Variants in CIMAP1D observed in about 807,000 individuals in gnomAD.
CIMAP1D encodes CIMAP1 family member D.
the CIMAP1D span, chr19:490,246 C>G: frequency 3.4e-6 from 1 of 297,746 alleles, no homozygotes; most frequent in Non-Finnish European, 6.1e-6. Flanking sequence ...GTCCCACCTA[C>G]TTGGAAGGCC....
chr19:474,758 C>A, the CIMAP1D span: 1 of 1,502,840 alleles, frequency 6.7e-7, no homozygotes, highest in Non-Finnish European at 8.9e-7. Flanking sequence ...GGTGGGCAGG[C>A]GATGGCCCCC....
chr19:475,776 ATTT>A, the CIMAP1D span, among the ~76,000 whole-genome samples: 5 of 138,642 alleles, frequency 3.6e-5, no homozygotes, highest in Non-Finnish European at 3.2e-5. Context: ...TTGCAGTGTA[ATTT>A]TTTTTTTTTT....
At chr19:469,418 G>A in the CIMAP1D span, among the ~76,000 whole-genome samples, 87,084 of 151,950 alleles carry the variant, frequency 0.57, 28,234 homozygotes, top group Non-Finnish European at 0.73. Context: ...GGCTGGGTGC[G>A]GTGGCTCACG....
At chr19:467,515 C>G in the CIMAP1D span, 6 of 721,950 alleles carry the variant, frequency 8.3e-6, no homozygotes, top group Non-Finnish European at 1.2e-5. Context: ...CTCCGTGTCC[C>G]TTGGATTTGA....
the CIMAP1D span, chr19:467,846 C>A: frequency 2.4e-6 from 2 of 829,170 alleles, no homozygotes; most frequent in Non-Finnish European, 1.9e-6. Flanking sequence ...CCTCTTGGCC[C>A]CGAGACACTC....
At chr19:467,366 A>G in the CIMAP1D span, among the ~76,000 whole-genome samples, 1 of 151,934 alleles carries the variant, frequency 6.6e-6, no homozygotes, top group African/African-American at 2.4e-5. Flanking sequence ...GATTTGCCAC[A>G]GTCCCCATTC....
the CIMAP1D span, among the ~76,000 whole-genome samples, chr19:477,789 G>A: frequency 0.011 from 1,642 of 152,222 alleles, 28 homozygotes; most frequent in African/African-American, 0.037. Flanking sequence ...CAGCCTCCCG[G>A]GTAGCTGGGA....
At chr19:467,715 T>TG in the CIMAP1D span, 1 of 1,611,402 alleles carries the variant, frequency 6.2e-7, no homozygotes, top group African/African-American at 1.3e-5. Flanking sequence ...CGTGTGACTT[T>TG]GGGGTCCAAG....
At chr19:463,715 G>T in the CIMAP1D span, 2 of 1,345,584 alleles carry the variant, frequency 1.5e-6, no homozygotes. Context: ...AGAAGGACCT[G>T]GACAGTTCAG....
At chr19:486,653 G>C in the CIMAP1D span, among the ~76,000 whole-genome samples, 1 of 151,752 alleles carries the variant, frequency 6.6e-6, no homozygotes, top group African/African-American at 2.4e-5. Flanking sequence ...GGTGGCTCAC[G>C]CCTGTAATCC....
chr19:491,447 G>C, the CIMAP1D span, among the ~76,000 whole-genome samples: 4 of 152,160 alleles, frequency 2.6e-5, no homozygotes, highest in African/African-American at 9.7e-5. Context: ...AGACCCTCGG[G>C]AGAGGCCTGT....
At chr19:465,852 ATGGATGGATGGG>A in the CIMAP1D span, among the ~76,000 whole-genome samples, 2 of 76,044 alleles carry the variant, frequency 2.6e-5, no homozygotes, top group Non-Finnish European at 4.9e-5. Flanking sequence ...GTGTGGATAG[ATGGATGGATGGG>A]TGGGTGGATG....
chr19:468,344 C>A, the CIMAP1D span, among the ~76,000 whole-genome samples: 1 of 151,676 alleles, frequency 6.6e-6, no homozygotes, highest in Non-Finnish European at 1.5e-5. Context: ...CCAGCCTGGG[C>A]GACGGAGCAA....
chr19:488,400 T>C, the CIMAP1D span, among the ~76,000 whole-genome samples: 1 of 152,124 alleles, frequency 6.6e-6, no homozygotes, highest in African/African-American at 2.4e-5. Flanking sequence ...CAGGCGCCTG[T>C]AGTCCCAGCT....
the CIMAP1D span, among the ~76,000 whole-genome samples, chr19:470,806 G>A: frequency 1.2e-3 from 181 of 152,386 alleles, no homozygotes; most frequent in Non-Finnish European, 2.2e-3. Context: ...CTGGCCCGTG[G>A]TAGCAGCGCC....
At chr19:476,442 G>A in the CIMAP1D span, among the ~76,000 whole-genome samples, 1 of 152,066 alleles carries the variant, frequency 6.6e-6, no homozygotes, top group Admixed American at 6.6e-5. Context: ...CACACACCTC[G>A]GCCTCCCAAA....
the CIMAP1D span, chr19:489,940 C>A: frequency 2.5e-6 from 1 of 397,874 alleles, no homozygotes; most frequent in South Asian, 1.3e-4. Flanking sequence ...CATTTGGCCC[C>A]TGCCCGGTGC....
At chr19:465,497 G>GGA in the CIMAP1D span, among the ~76,000 whole-genome samples, 2 of 148,666 alleles carry the variant, frequency 1.3e-5, no homozygotes, top group Admixed American at 6.7e-5. Flanking sequence ...GTGAGTGGAT[G>GGA]GGTGAATGGT....
the CIMAP1D span, among the ~76,000 whole-genome samples, chr19:470,096 G>A: frequency 6.6e-6 from 1 of 152,070 alleles, no homozygotes; most frequent in Non-Finnish European, 1.5e-5. Flanking sequence ...TCAGCAAAGT[G>A]TGCACGATCC....
Sources: gnomAD v4.1 joint callset for allele counts (sites outside exome capture counted in the v4.1 genomes callset) on GRCh38, gnomAD v4.1.1 for gene constraint, MANE v1.5 for transcripts, NCBI Gene and HGNC (gene_info 2026-07-23, HGNC 2026-07-21) for gene names.